The following CAMKK1 variants were observed in gnomAD, a reference collection of about 807,000 sequenced individuals.
The protein encoded by CAMKK1 is calcium/calmodulin-dependent protein kinase kinase 1.
Under a neutral mutation model 63.5 loss-of-function variants are expected in CAMKK1, and 20 were observed. That is an observed-to-expected ratio of 0.32 (90% CI 0.22 to 0.46). CAMKK1 has a LOEUF of 0.46. CAMKK1 is among the 20% of genes least tolerant of loss of function. The probability of loss-of-function intolerance (pLI) is 1.00; values close to 1 mark genes in which losing one functional copy is unlikely to be tolerated. For missense variants in CAMKK1, 588 were observed against 658.1 expected, an observed-to-expected ratio of 0.89 and a Z score of 1.17; for synonymous variants, 253 against 269.0, an observed-to-expected ratio of 0.94 and a Z score of 0.58.
Position 3,876,334 on chromosome 17 carries a change from G to A in CAMKK1, c.885C>T (p.Gly295=), listed in dbSNP as rs373496993. ...DDGHVKIADF[G]VSNQFEGNDA... is the part of the protein sequence containing the mutation. ...CGTTCCCCTCAAACTGGTTGCTGAC[G>A]CCAAAGTCGGCGATCTTCACGTGCC... Residue 295 remains glycine (G), a synonymous_variant, in exon 10 of 16, where the codon GGC becomes GGT. Coordinates refer to ENST00000348335, the MANE Select transcript of CAMKK1 (RefSeq NM_032294.3). 1.7e-5 allele frequency: 28 copies of A among 1,614,068 alleles called. No homozygotes were observed. The highest frequency in any genetic ancestry group is 2.1e-5 in the Non-Finnish European group (25 of 1,180,032).
intron 14 of CAMKK1, 110 bp from the exon 15 acceptor site, chr17:3,866,121 A>T: frequency 7.9e-7 from 1 of 1,270,478 alleles, no homozygotes; most frequent in Non-Finnish European, 1.1e-6. Flanking sequence ...TGCGGGTCCC[A>T]TCTCAATCAG....
At chr17:3,877,538 A>G (rs1201486392) in intron 9 of CAMKK1, among the ~76,000 whole-genome samples, 4 of 152,142 alleles carry the variant, frequency 2.6e-5, no homozygotes, top group Non-Finnish European at 5.9e-5. Context: ...AAGTACCTTC[A>G]TCTGGACCAA....
intron 12 of CAMKK1, 143 bp downstream of exon 12, chr17:3,872,411 T>C (rs1311687243): frequency 3.0e-6 from 2 of 676,382 alleles, no homozygotes; most frequent in Non-Finnish European, 5.3e-6. Context: ...CGTCCATCTA[T>C]TCAGGGGTCC....
chr17:3,870,612 G>A (rs966989413), intron 12 of CAMKK1, among the ~76,000 whole-genome samples: 13 of 152,086 alleles, frequency 8.5e-5, no homozygotes, highest in South Asian at 2.1e-4. Context: ...TGATCCGCCT[G>A]CCTTGGCCTC....
At chr17:3,875,091 C>T (rs932490751) in intron 10 of CAMKK1, among the ~76,000 whole-genome samples, 1 of 151,862 alleles carries the variant, frequency 6.6e-6, no homozygotes, top group African/African-American at 2.4e-5. Context: ...CACTGCACTC[C>T]AGCCTGGGCG....
rs774847943 is a variant in CAMKK1 at position 3,868,092 on chromosome 17, CT to C, written c.1341+1394del. The stretch of plus-strand genomic sequence containing the variant: ...GCGCAGTCTAACTGATACGTGGGCT[CT>C]GGGGGAGAAGCAGGCGCCGTCTAAC... On this transcript the variant is annotated intron_variant, in intron 14 of 15. Transcript: ENST00000348335. Among the ~76,000 whole-genome samples the C allele has an allele frequency of 3.6e-4, 30 of 84,442 alleles. 3 individuals are homozygous for C. The highest frequency in any genetic ancestry group is 2.9e-3 in the East Asian group (7 of 2,432). 55.4% of individuals were successfully genotyped at this position (84,442 alleles called of 152,430 possible). A position where few individuals can be genotyped will look rare whatever the true frequency, so the allele number is the denominator to read the frequency against.
intron 14 of CAMKK1, among the ~76,000 whole-genome samples, chr17:3,868,857 A>G (rs1031834814): frequency 6.6e-6 from 1 of 150,838 alleles, no homozygotes; most frequent in Non-Finnish European, 1.5e-5. Flanking sequence ...GTTTCGCCGT[A>G]TTAGCCAGGA....
rs1355904963 is a variant in CAMKK1 at position 3,884,086 on chromosome 17, G to A, written c.409-149C>T. 9.8e-6 allele frequency: 8 copies of A among 812,814 alleles called. No individual in the cohort carries two copies. The highest frequency in any genetic ancestry group is 1.6e-5 in the Non-Finnish European group (8 of 494,156). The allele number at this position is 812,814 out of a possible 1,614,324, so 50.4% of individuals were successfully genotyped here. A position where few individuals can be genotyped will look rare whatever the true frequency, so the allele number is the denominator to read the frequency against. On this transcript the variant is annotated intron_variant, in intron 3 of 15. Transcript: ENST00000348335. The surrounding 1 kb of genome is among the most constrained non-coding windows in gnomAD (Gnocchi z 4.5). ...TGGCTCACGGGCAAATATTGTAGCAGATGGGGAGGGGACTCCTGCGCCCTG... is the reference window on the plus strand; with the variant it reads ...TGGCTCACGGGCAAATATTGTAGCAAATGGGGAGGGGACTCCTGCGCCCTG...
chr17:3,875,384 C>T (rs958361389), intron 10 of CAMKK1, among the ~76,000 whole-genome samples: 17 of 152,080 alleles, frequency 1.1e-4, no homozygotes, highest in African/African-American at 2.7e-4. Flanking sequence ...TGGACTCAAG[C>T]GATCCTCCCA....
At position 3,892,211 on chromosome 17, in the gene CAMKK1, C is replaced by G. The variant is rs2055927599; in HGVS notation, c.-44+728G>C. Among the ~76,000 whole-genome samples, 1 of 152,106 alleles carries G rather than the reference C, an allele frequency of 6.6e-6. No homozygotes were observed. Among genetic ancestry groups the G allele is most frequent in the Admixed American group, 6.5e-5 (1 of 15,286 alleles). On this transcript the variant is annotated intron_variant, in intron 1 of 15. Transcript: ENST00000348335. The surrounding 1 kb of genome is among the most constrained non-coding windows in gnomAD (Gnocchi z 7.5). The stretch of plus-strand genomic sequence containing the variant: ...ACGCCAAGACTTGAGCACACCCCCT[C>G]CCCTGACAGGCACACGCCCGTGTCC...
chr17:3,885,270 G>C (rs571961689), intron 2 of CAMKK1, 58 bp downstream of exon 2: 2 of 1,492,556 alleles, frequency 1.3e-6, no homozygotes, highest in East Asian at 2.3e-5. Flanking sequence ...GCAGGAAAGA[G>C]TCTTCATTGC....
chr17:3,890,591 C>T lies in CAMKK1; in HGVS notation c.-44+2348G>A, dbSNP rs2055862335. On this transcript the variant is annotated intron_variant, in intron 1 of 15. Coordinates refer to ENST00000348335, the MANE Select transcript of CAMKK1 (RefSeq NM_032294.3). This position sits in a 1 kb window ranked among gnomAD's most constrained non-coding sequence, Gnocchi z 6.5. ...CTCCATTGCGAGACGGGTACCACACCCTCCCCATTCTTTCCTGACCCAGGT... is the reference window on the plus strand; with the variant it reads ...CTCCATTGCGAGACGGGTACCACACTCTCCCCATTCTTTCCTGACCCAGGT... 2 of 774,600 alleles carry T rather than the reference C, an allele frequency of 2.6e-6. No individual in the cohort carries two copies. The highest frequency in any genetic ancestry group is 1.7e-5 in the African/African-American group (1 of 59,032). The allele number at this position is 774,600 out of a possible 1,614,324, so 48.0% of individuals were successfully genotyped here. A position where few individuals can be genotyped will look rare whatever the true frequency, so the allele number is the denominator to read the frequency against.
At chr17:3,873,562 C>A in intron 10 of CAMKK1, 100 bp from the exon 11 acceptor site, 1 of 1,152,194 alleles carries the variant, frequency 8.7e-7, no homozygotes, top group Non-Finnish European at 1.3e-6. Flanking sequence ...GAACCTCTTT[C>A]CTCTGTCATG....
chr17:3,871,636 G>A (rs1434260680), intron 12 of CAMKK1, among the ~76,000 whole-genome samples: 7 of 148,254 alleles, frequency 4.7e-5, no homozygotes, highest in African/African-American at 1.5e-4. Flanking sequence ...AATTACAGGT[G>A]TGAGCCGCCG....
chr17:3,883,766 A>T lies in CAMKK1; in HGVS notation c.462+118T>A. ...CTCATTCCTTTGCATACCCCTAGGG[A>T]CAGGGAGCTCACTCTCAGGCAGCCC... is the stretch of plus-strand genomic sequence containing the variant. On this transcript the variant is annotated intron_variant, in intron 4 of 15. Coordinates refer to ENST00000348335, the MANE Select transcript of CAMKK1 (RefSeq NM_032294.3). The surrounding 1 kb of genome is among the most constrained non-coding windows in gnomAD (Gnocchi z 4.7). The T allele has an allele frequency of 1.0e-6, 1 of 961,778 alleles. No individual in the cohort carries two copies. Among genetic ancestry groups the T allele is most frequent in the Non-Finnish European group, 1.7e-6 (1 of 600,986 alleles). The allele number at this position is 961,778 out of a possible 1,614,324, so 59.6% of individuals were successfully genotyped here. A position where few individuals can be genotyped will look rare whatever the true frequency, so the allele number is the denominator to read the frequency against.
chr17:3,877,483 C>A (rs764274233), intron 9 of CAMKK1, among the ~76,000 whole-genome samples: 1 of 152,184 alleles, frequency 6.6e-6, no homozygotes, highest in African/African-American at 2.4e-5. Flanking sequence ...AATGACCCCA[C>A]TGACCCCATC....
At chr17:3,869,917 G>A in intron 12 of CAMKK1, 29 bp from the exon 13 acceptor site, 1 of 1,584,852 alleles carries the variant, frequency 6.3e-7, no homozygotes, top group Non-Finnish European at 8.7e-7. Flanking sequence ...GGAGAGGAGG[G>A]TGGGACCGCT....
intron 14 of CAMKK1, among the ~76,000 whole-genome samples, chr17:3,867,546 C>T (rs759417115): frequency 3.9e-5 from 6 of 152,206 alleles, no homozygotes; most frequent in East Asian, 1.9e-4. Flanking sequence ...CAAGGGACAG[C>T]GTGGGAGGTT....
intron 1 of CAMKK1, among the ~76,000 whole-genome samples, chr17:3,891,389 G>C (rs550768278): frequency 6.6e-6 from 1 of 152,222 alleles, no homozygotes; most frequent in Non-Finnish European, 1.5e-5. Flanking sequence ...AGAGAAAGGG[G>C]CTGGGAGATG....
Sources: allele counts gnomAD v4.1 joint callset (sites outside exome capture counted in the v4.1 genomes callset), GRCh38; gene constraint gnomAD v4.1.1; non-coding constraint Gnocchi (gnomAD v3.1); transcripts MANE v1.5; gene names NCBI Gene and HGNC (gene_info 2026-07-23, HGNC 2026-07-21).